The following GPHN variants were observed in gnomAD, a reference collection of about 807,000 sequenced individuals.
GPHN encodes gephyrin.
A neutral mutation model predicts 95.5 loss-of-function variants in GPHN; 17 were observed. The ratio of observed to expected loss-of-function variants is 0.18; its 90% CI spans 0.12 to 0.27. The LOEUF (loss-of-function observed/expected upper bound fraction) is 0.27. GPHN is among the 10% of genes least tolerant of loss of function. The pLI, the probability that GPHN is intolerant of heterozygous loss-of-function variation, is 1.00. For synonymous variants in GPHN, 320 were observed against 322.5 expected, an observed-to-expected ratio of 0.99 and a Z score of 0.08; for missense variants, 660 against 978.1, an observed-to-expected ratio of 0.67 and a Z score of 4.34.
At chr14:67,238,882 A>T in the GPHN span, among the ~76,000 whole-genome samples, 1 of 152,110 alleles carries the variant, frequency 6.6e-6, no homozygotes, top group Non-Finnish European at 1.5e-5. Context: ...GGGTCAAGGG[A>T]TCCATACACC....
At chr14:67,354,566 C>T in the GPHN span, among the ~76,000 whole-genome samples, 1 of 151,994 alleles carries the variant, frequency 6.6e-6, no homozygotes. Flanking sequence ...AAGCTAAATG[C>T]TAAATACATC....
At chr14:66,920,667 T>C (rs935860323) in intron 6 of GPHN, among the ~76,000 whole-genome samples, 3 of 151,690 alleles carry the variant, frequency 2.0e-5, no homozygotes, top group African/African-American at 7.3e-5. Flanking sequence ...TTAGTGGTGA[T>C]TTGTGAGATC....
intron 1 of GPHN, among the ~76,000 whole-genome samples, chr14:66,561,473 G>T (rs2060239659): frequency 6.6e-6 from 1 of 152,038 alleles, no homozygotes; most frequent in African/African-American, 2.4e-5. Flanking sequence ...TGAATCTGAG[G>T]TAGCATGGAC....
the GPHN span, among the ~76,000 whole-genome samples, chr14:67,275,523 A>G: frequency 6.6e-6 from 1 of 152,218 alleles, no homozygotes; most frequent in Non-Finnish European, 1.5e-5. Context: ...TTGGTTTGCC[A>G]GTATTTTATT....
intron 2 of GPHN, among the ~76,000 whole-genome samples, chr14:66,751,005 T>C (rs2058342554): frequency 1.3e-5 from 2 of 152,004 alleles, no homozygotes; most frequent in African/African-American, 2.4e-5. Context: ...ATTTATAGCA[T>C]TCTTTTTTTT....
At chr14:66,889,578 A>C (rs1042652556) in intron 5 of GPHN, among the ~76,000 whole-genome samples, 1 of 152,166 alleles carries the variant, frequency 6.6e-6, no homozygotes, top group Non-Finnish European at 1.5e-5. Flanking sequence ...TTAAAACAAA[A>C]ATGCAACATA....
chr14:66,680,459 G>A (rs920248820), intron 1 of GPHN, among the ~76,000 whole-genome samples: 1 of 152,120 alleles, frequency 6.6e-6, no homozygotes, highest in African/African-American at 2.4e-5. Flanking sequence ...ATCCTCTTAG[G>A]TAATTCTGGC....
chr14:66,593,589 T>C (rs1180108993), intron 1 of GPHN, among the ~76,000 whole-genome samples: 1 of 152,154 alleles, frequency 6.6e-6, no homozygotes, highest in African/African-American at 2.4e-5. Flanking sequence ...GGTCTCTTTC[T>C]CAACACCCAG....
chr14:67,590,222 G>T, the GPHN span: 2 of 1,409,102 alleles, frequency 1.4e-6, no homozygotes, highest in Non-Finnish European at 1.9e-6. Context: ...ATATAAGGGA[G>T]TGCAGTGGTG....
chr14:66,543,704 C>A (rs976175721), intron 1 of GPHN, among the ~76,000 whole-genome samples: 5 of 152,168 alleles, frequency 3.3e-5, no homozygotes, highest in African/African-American at 1.2e-4. Flanking sequence ...CTTGAGACTT[C>A]TCTTGCTTTC....
chr14:66,510,264 A>G (rs1017393624), intron 1 of GPHN, among the ~76,000 whole-genome samples: 1 of 152,228 alleles, frequency 6.6e-6, no homozygotes, highest in East Asian at 1.9e-4. Context: ...TTCTTTGACA[A>G]TAATAGAGTA....
chr14:67,593,647 T>C, the GPHN span: 1 of 689,194 alleles, frequency 1.5e-6, no homozygotes, highest in Non-Finnish European at 2.6e-6. Flanking sequence ...TAAATATAAG[T>C]CTCACTTTTA....
Position 66,508,253 on chromosome 14 carries a change from G to A in GPHN, c.-275G>A. 1.8e-6 allele frequency: 1 copy of A among 559,278 alleles called. No individual in the cohort carries two copies. The highest frequency in any genetic ancestry group is 3.2e-6 in the Non-Finnish European group (1 of 311,904). 34.6% of individuals were successfully genotyped at this position (559,278 alleles called of 1,614,324 possible). On this transcript the variant is annotated 5_prime_UTR_variant, in exon 1 of 23. Coordinates refer to ENST00000478722, the MANE Select transcript of GPHN (RefSeq NM_020806.5). ...CCGCCTCCGCGCGCTCTCCCCGTGC[G>A]GCCACCGCGCCCCCCAAGCTTGCCT...
chr14:66,539,321 A>G (rs1386890685), intron 1 of GPHN, among the ~76,000 whole-genome samples: 1 of 151,636 alleles, frequency 6.6e-6, no homozygotes, highest in East Asian at 1.9e-4. Flanking sequence ...CATTACTTAG[A>G]ATTCAGCAAA....
At chr14:67,443,237 A>G in the GPHN span, among the ~76,000 whole-genome samples, 7 of 152,064 alleles carry the variant, frequency 4.6e-5, no homozygotes, top group Admixed American at 6.5e-5. Context: ...AAGAAAGAAA[A>G]AAAAAATGAG....
chr14:66,749,941 G>T (rs1033360411), intron 2 of GPHN, among the ~76,000 whole-genome samples: 3 of 151,454 alleles, frequency 2.0e-5, no homozygotes. Context: ...GTCACATCAG[G>T]GTAAATGGAG....
chr14:67,701,024 C>CAAA, the GPHN span, among the ~76,000 whole-genome samples: 219 of 66,790 alleles, frequency 3.3e-3, no homozygotes, highest in East Asian at 5.1e-3. Flanking sequence ...AATTTCATCT[C>CAAA]AAAAAAAAAA....
chr14:67,280,138 A>T, the GPHN span, among the ~76,000 whole-genome samples: 1 of 152,252 alleles, frequency 6.6e-6, no homozygotes, highest in Non-Finnish European at 1.5e-5. Context: ...TGGGCTAAAT[A>T]AGTTAAATAG....
intron 3 of GPHN, among the ~76,000 whole-genome samples, chr14:66,809,107 C>T (rs1166556308): frequency 6.6e-6 from 1 of 152,064 alleles, no homozygotes; most frequent in East Asian, 1.9e-4. Context: ...GATTTTGAAG[C>T]AAAGGAAAGA....
Sources: gnomAD v4.1 joint callset for allele counts (sites outside exome capture counted in the v4.1 genomes callset) on GRCh38, gnomAD v4.1.1 for gene constraint, MANE v1.5 for transcripts, NCBI Gene and HGNC (gene_info 2026-07-23, HGNC 2026-07-21) for gene names.